Variants in PARD3 observed in about 807,000 individuals in gnomAD.
PARD3 encodes par-3 family cell polarity regulator.
PARD3 carries 75 observed loss-of-function variants against 155.4 expected under a neutral mutation model. That is an observed-to-expected ratio of 0.48 (90% CI 0.40 to 0.58). The LOEUF (loss-of-function observed/expected upper bound fraction) is 0.58, where lower values mean the gene tolerates loss of function less well. PARD3 is among the 20% of genes least tolerant of loss of function. PARD3 has a pLI of 0.00. For missense variants in PARD3, 1,642 were observed against 1,721.7 expected (o/e 0.95, Z 0.82); for synonymous variants, 576 against 610.5 (o/e 0.94, Z 0.83).
rs568910139 is a variant in PARD3, at chr10:34,654,138, G to A, written c.222+42180C>T. The stretch of plus-strand genomic sequence containing the variant: ...TGCATGGTTCTAATGGGGACTAGGT[G>A]TAGATAAACACATTTGGTGCCAGTA... On this transcript the variant is annotated intron_variant, in intron 2 of 24. Transcript: ENST00000374788. Among the ~76,000 whole-genome samples, 15 of 150,562 alleles carry A rather than the reference G, an allele frequency of 1.0e-4. No individual in the cohort carries two copies. In the South Asian group the frequency reaches 2.7e-3, roughly 28 times the overall value.
chr10:34,215,883 A>G (rs892265111), intron 22 of PARD3, among the ~76,000 whole-genome samples: 3 of 152,234 alleles, frequency 2.0e-5, no homozygotes, highest in African/African-American at 7.2e-5. Flanking sequence ...AAAATTCAAA[A>G]TAATTGTCAT....
chr10:34,670,569 TA>T (rs2093592737), intron 2 of PARD3, among the ~76,000 whole-genome samples: 1 of 152,218 alleles, frequency 6.6e-6, no homozygotes, highest in Non-Finnish European at 1.5e-5. Context: ...CCCATCCCAC[TA>T]CCACTGGAGA....
intron 2 of PARD3, among the ~76,000 whole-genome samples, chr10:34,520,988 T>G (rs1257130856): frequency 6.6e-6 from 1 of 152,216 alleles, no homozygotes; most frequent in African/African-American, 2.4e-5. Flanking sequence ...TTTTGACATT[T>G]TGGTGCTTAA....
At chr10:34,666,338 C>T (rs976774750) in intron 2 of PARD3, among the ~76,000 whole-genome samples, 2 of 152,108 alleles carry the variant, frequency 1.3e-5, no homozygotes, top group African/African-American at 4.8e-5. Context: ...ATCAAGCAGC[C>T]AGAAACTGAT....
chr10:34,601,580 G>A (rs115737311), intron 2 of PARD3, among the ~76,000 whole-genome samples: 2,983 of 152,110 alleles, frequency 0.02, 90 homozygotes, highest in African/African-American at 0.068. Flanking sequence ...ATTATAGAGC[G>A]GCCCACCCCA....
rs73264837 is a variant in PARD3, at chr10:34,812,452, G to A, written c.120+2424C>T. On this transcript the variant is annotated intron_variant, in intron 1 of 24. Transcript: ENST00000374788. ...GCAATACGGATAAGGAACAGATAGAGAATAAAAGTTAAAACAGTGTTAAAT... is the reference window on the plus strand; with the variant it reads ...GCAATACGGATAAGGAACAGATAGAAAATAAAAGTTAAAACAGTGTTAAAT... Among the ~76,000 whole-genome samples, 480 of 152,258 alleles carry A rather than the reference G, an allele frequency of 3.2e-3. 1 individual carries two copies. Among genetic ancestry groups the A allele is most frequent in the African/African-American group, 0.011 (459 of 41,534 alleles).
At position 34,284,160 on chromosome 10, in the gene PARD3, T is replaced by A; in HGVS notation, c.3151A>T (p.Ile1051Leu). ...QESFTSEEERIRMKQEQERIQ... is the reference protein window; with the variant it reads ...QESFTSEEERLRMKQEQERIQ... ...CTCTCCTGCTCCTGCTTCATTCGTA[T>A]CCTCTCCTCTTCTGATGTAAAGGAT... The change falls in exon 21 of 25, where the codon ATA becomes TTA. Residue 1051 changes from isoleucine to leucine, a missense_variant. Physicochemically the swap from Ile to Leu is conservative, Grantham distance 5. Transcript: ENST00000374788. The A allele has an allele frequency of 6.2e-7, 1 of 1,603,336 alleles. No homozygotes were observed. Among genetic ancestry groups the A allele is most frequent in the East Asian group, 2.3e-5 (1 of 44,342 alleles).
chr10:34,712,800 G>C (rs921362552), intron 1 of PARD3, among the ~76,000 whole-genome samples: 40 of 152,002 alleles, frequency 2.6e-4, no homozygotes, highest in African/African-American at 8.7e-4. Context: ...GGAGATGGTT[G>C]AAAAGGTATT....
At chr10:34,780,144 A>C (rs1179860781) in intron 1 of PARD3, among the ~76,000 whole-genome samples, 7 of 152,214 alleles carry the variant, frequency 4.6e-5, no homozygotes, top group Non-Finnish European at 8.8e-5. Flanking sequence ...GAATGGTTTT[A>C]AAATTGCTGA....
chr10:34,696,995 G>GACAC (rs35717875), intron 1 of PARD3, among the ~76,000 whole-genome samples: 2,247 of 143,930 alleles, frequency 0.016, 42 homozygotes, highest in African/African-American at 0.045. Context: ...GAGACAAAAT[G>GACAC]ACACACACAC....
intron 2 of PARD3, among the ~76,000 whole-genome samples, chr10:34,607,510 A>G (rs951987392): frequency 3.3e-5 from 5 of 152,226 alleles, no homozygotes; most frequent in Non-Finnish European, 7.3e-5. Context: ...ATTTAAAAAA[A>G]GGGATATTCT....
chr10:34,171,409 C>T (rs188270582), intron 22 of PARD3, among the ~76,000 whole-genome samples: 50 of 152,182 alleles, frequency 3.3e-4, no homozygotes, highest in African/African-American at 1.0e-3. Flanking sequence ...TAAATATGGA[C>T]GAGATCTCTG....
chr10:34,194,200 T>C (rs183405748), intron 22 of PARD3, among the ~76,000 whole-genome samples: 2 of 152,302 alleles, frequency 1.3e-5, no homozygotes, highest in Admixed American at 6.5e-5. Flanking sequence ...TAAGACATAC[T>C]AAGCAAAATT....
intron 2 of PARD3, among the ~76,000 whole-genome samples, chr10:34,519,820 A>AATAACATAACATAACATAACATAAC (rs59584708): frequency 2.7e-4 from 36 of 133,964 alleles, no homozygotes; most frequent in East Asian, 6.8e-4. Context: ...TCTCAAAATA[A>AATAACATAACATAACATAACATAAC]ATAACATAAC....
chr10:34,513,852 T>C (rs370483119), intron 3 of PARD3, among the ~76,000 whole-genome samples: 2 of 152,342 alleles, frequency 1.3e-5, no homozygotes, highest in African/African-American at 2.4e-5. Flanking sequence ...ACCAGTGTCC[T>C]TGACCTCTAC....
chr10:34,543,920 T>C (rs1281376642), intron 2 of PARD3, among the ~76,000 whole-genome samples: 3 of 152,200 alleles, frequency 2.0e-5, no homozygotes, highest in African/African-American at 4.8e-5. Flanking sequence ...ACACCATATA[T>C]TCGGTACCTG....
intron 7 of PARD3, among the ~76,000 whole-genome samples, chr10:34,394,827 A>C (rs1161638198): frequency 6.6e-6 from 1 of 152,082 alleles, no homozygotes; most frequent in African/African-American, 2.4e-5. Context: ...CATATCTAAT[A>C]TGGATAGTCA....
Position 34,201,415 on chromosome 10 carries a change from TATCTC to T in PARD3, c.3419+68237_3419+68241del, listed in dbSNP as rs550643697. ...GTATTTTATAACAAACGCAGATCCT[TATCTC>T]AGCGTAAAAAGTTTATTTAAATAAA... On this transcript the variant is annotated intron_variant, in intron 22 of 24. Transcript: ENST00000374788. 1.9e-4 allele frequency among the ~76,000 whole-genome samples: 29 copies of T among 152,328 alleles called. No homozygotes were observed. The South Asian group carries it at 6.0e-3, about 32-fold the overall frequency.
chr10:34,486,758 G>T (rs893946244), intron 3 of PARD3, among the ~76,000 whole-genome samples: 3 of 152,142 alleles, frequency 2.0e-5, no homozygotes, highest in Non-Finnish European at 2.9e-5. Context: ...GGTGACATCA[G>T]TGCTGCTGGT....
Sources: allele counts gnomAD v4.1 joint callset (sites outside exome capture counted in the v4.1 genomes callset), GRCh38; gene constraint gnomAD v4.1.1; transcripts MANE v1.5; gene names NCBI Gene and HGNC (gene_info 2026-07-23, HGNC 2026-07-21).